The following COMMD10 variants were observed in gnomAD, a reference collection of about 807,000 sequenced individuals.
COMMD10 encodes COMM domain-containing protein 10.
In COMMD10, 33 loss-of-function variants were observed where a neutral mutation model predicts 28.9. That is an observed-to-expected ratio of 1.14 (90% confidence interval 0.87 to 1.53). The LOEUF (loss-of-function observed/expected upper bound fraction) is 1.53. Among genes scored for constraint, COMMD10 ranks in the 40% most tolerant of loss-of-function variants. The pLI, the probability that COMMD10 is intolerant of heterozygous loss-of-function variation, is 0.00. For synonymous variants in COMMD10, 110 were observed against 81.7 expected, an observed-to-expected ratio of 1.35 and a Z score of -1.87; for missense variants, 310 against 233.4, an observed-to-expected ratio of 1.33 and a Z score of -2.14.
At chr5:116,104,267 TC>T (rs1272593647) in intron 4 of COMMD10, among the ~76,000 whole-genome samples, 1 of 152,222 alleles carries the variant, frequency 6.6e-6, no homozygotes, top group Non-Finnish European at 1.5e-5. Context: ...TATTGATTCT[TC>T]CTATCCATGA....
intron 5 of COMMD10, among the ~76,000 whole-genome samples, chr5:116,261,298 T>C (rs1281498894): frequency 1.3e-5 from 2 of 151,708 alleles, no homozygotes; most frequent in Non-Finnish European, 2.9e-5. Context: ...GTCAAGGAGA[T>C]GAAAATTGTA....
At chr5:116,122,512 G>C (rs1362762861) in intron 4 of COMMD10, among the ~76,000 whole-genome samples, 16 of 152,210 alleles carry the variant, frequency 1.1e-4, no homozygotes. Context: ...TTCCAATTCT[G>C]TGAAGAAAGT....
chr5:116,143,427 T>G (rs1752253401), intron 5 of COMMD10, among the ~76,000 whole-genome samples: 1 of 151,728 alleles, frequency 6.6e-6, no homozygotes, highest in African/African-American at 2.4e-5. Flanking sequence ...ACTCCAAACA[T>G]TTTAGGCAAT....
In COMMD10 at chr5:116,085,047, C is replaced by G. The variant is rs1168715126; in HGVS notation, c.-6C>G. On this transcript the variant is annotated 5_prime_UTR_variant, in exon 1 of 7. Transcript: ENST00000274458. ...AACAGACGGCGGCAGTGCGAGAAAG[C>G]CGAAGATGGCGGTCCCCGCGGCGCT... 1 of 1,607,598 alleles carries G rather than the reference C, an allele frequency of 6.2e-7. No homozygotes were observed. The highest frequency in any genetic ancestry group is 1.7e-5 in the Admixed American group (1 of 59,466).
intron 5 of COMMD10, among the ~76,000 whole-genome samples, chr5:116,236,365 A>G (rs919913238): frequency 6.6e-6 from 1 of 151,898 alleles, no homozygotes; most frequent in Non-Finnish European, 1.5e-5. Context: ...TTAGCTGGTC[A>G]TGGTGGCAGG....
At chr5:116,179,843 A>G (rs572652297) in intron 5 of COMMD10, among the ~76,000 whole-genome samples, 3 of 152,218 alleles carry the variant, frequency 2.0e-5, no homozygotes, top group African/African-American at 7.2e-5. Flanking sequence ...TAGTAGTAGG[A>G]ATGAAGTAGA....
chr5:116,249,115 G>A (rs1234358219), intron 5 of COMMD10, among the ~76,000 whole-genome samples: 2 of 151,864 alleles, frequency 1.3e-5, no homozygotes, highest in Admixed American at 1.3e-4. Flanking sequence ...TTCCTTTAAA[G>A]TCATATTTTT....
intron 5 of COMMD10, among the ~76,000 whole-genome samples, chr5:116,254,311 G>A (rs1021359563): frequency 6.6e-6 from 1 of 151,984 alleles, no homozygotes; most frequent in Non-Finnish European, 1.5e-5. Context: ...GTTCTGCTCT[G>A]ATCTTAGTTA....
chr5:116,134,076 C>A lies in COMMD10; in HGVS notation c.408C>A (p.Thr136=), dbSNP rs1129496. 3.2e-6 allele frequency: 5 copies of A among 1,584,352 alleles called. No homozygotes were observed. Among genetic ancestry groups the A allele is most frequent in the Admixed American group, 3.3e-5 (2 of 59,954 alleles). The part of the protein sequence containing the change: ...QRILAPCKLE[T]VGWQLNLQMA... ...GCACCTGTCTTTTATAGCTAGAGAC[C>A]GTTGGATGGCAGCTTAACCTTCAGA... is the stretch of plus-strand genomic sequence containing the variant. Residue 136 remains threonine, a synonymous_variant, in exon 5 of 7, where the codon ACC becomes ACA. Coordinates refer to ENST00000274458, the MANE Select transcript of COMMD10 (RefSeq NM_016144.4).
At chr5:116,116,445 C>G (rs1027593119) in intron 4 of COMMD10, among the ~76,000 whole-genome samples, 1 of 152,168 alleles carries the variant, frequency 6.6e-6, no homozygotes, top group African/African-American at 2.4e-5. Context: ...ACTGTGAATA[C>G]ATATCTGAGA....
intron 5 of COMMD10, among the ~76,000 whole-genome samples, chr5:116,166,310 A>G (rs567381318): frequency 5.9e-5 from 9 of 152,330 alleles, no homozygotes; most frequent in African/African-American, 1.4e-4. Flanking sequence ...CAGATCTTCT[A>G]ATTACAAGTA....
At chr5:116,242,247 T>G (rs187364441) in intron 5 of COMMD10, among the ~76,000 whole-genome samples, 1 of 152,298 alleles carries the variant, frequency 6.6e-6, no homozygotes, top group Admixed American at 6.5e-5. Flanking sequence ...GTTTTGAAAG[T>G]TTTGTTAAGG....
In COMMD10 at chr5:116,197,818, C is replaced by A. The variant is rs754917943; in HGVS notation, c.510+63640C>A. ...AGCCAGTTACCCTTTGAGTAGACTC[C>A]AGTTCACATAAAGAAGTACAGGGAG... On this transcript the variant is annotated intron_variant, in intron 5 of 6. Coordinates refer to ENST00000274458, the MANE Select transcript of COMMD10 (RefSeq NM_016144.4). Among the ~76,000 whole-genome samples the A allele has an allele frequency of 9.2e-5, 14 of 152,208 alleles. No individual in the cohort carries two copies. In the South Asian group the frequency reaches 2.1e-3, roughly 23 times the overall value.
chr5:116,094,632 A>G (rs1266012304), intron 4 of COMMD10, among the ~76,000 whole-genome samples: 2 of 152,200 alleles, frequency 1.3e-5, no homozygotes, highest in Admixed American at 1.3e-4. Context: ...AAAAACTAAA[A>G]TTAGAACTAC....
chr5:116,205,718 A>G (rs1240297567), intron 5 of COMMD10, among the ~76,000 whole-genome samples: 2 of 152,164 alleles, frequency 1.3e-5, no homozygotes, highest in African/African-American at 2.4e-5. Flanking sequence ...AAAATTAAAA[A>G]ATGAGGTCAA....
At chr5:116,263,242 T>A (rs1234502430) in intron 5 of COMMD10, among the ~76,000 whole-genome samples, 7 of 151,774 alleles carry the variant, frequency 4.6e-5, no homozygotes, top group Admixed American at 1.3e-4. Context: ...TAAGCTCTCA[T>A]TTATCTTGCC....
chr5:116,271,481 T>C (rs968688334), intron 5 of COMMD10, among the ~76,000 whole-genome samples: 1 of 151,602 alleles, frequency 6.6e-6, no homozygotes, highest in Admixed American at 6.6e-5. Flanking sequence ...CAAATCTAGT[T>C]TCTATTATGT....
chr5:116,165,248 A>G (rs1279663418), intron 5 of COMMD10, among the ~76,000 whole-genome samples: 1 of 152,202 alleles, frequency 6.6e-6, no homozygotes, highest in Non-Finnish European at 1.5e-5. Flanking sequence ...TATTTAAAAT[A>G]TCCCCTTAAT....
At chr5:116,127,557 A>C (rs1751701848) in intron 4 of COMMD10, among the ~76,000 whole-genome samples, 1 of 152,344 alleles carries the variant, frequency 6.6e-6, no homozygotes, top group South Asian at 2.1e-4. Flanking sequence ...CTGGATTAAG[A>C]AAATGTGGCA....
Sources: gnomAD v4.1 joint callset for allele counts (sites outside exome capture counted in the v4.1 genomes callset) on GRCh38, gnomAD v4.1.1 for gene constraint, MANE v1.5 for transcripts, NCBI Gene and HGNC (gene_info 2026-07-23, HGNC 2026-07-21) for gene names.